The following CXorf65 variants were observed in gnomAD, a reference collection of about 807,000 sequenced individuals.
CXorf65 encodes the protein uncharacterized protein CXorf65.
For missense variants in CXorf65, 137 were observed against 144.7 expected (o/e 0.95, Z 0.27); for synonymous variants, 54 against 51.4 (o/e 1.05, Z -0.21).
intron 3 of CXorf65, among the ~76,000 whole-genome samples, chrX:71,105,473 C>T (rs112293690): frequency 0.12 from 12,538 of 106,172 alleles, 1,138 homozygotes; most frequent in African/African-American, 0.26. Flanking sequence ...ACAGGAGAAT[C>T]GCTTGAACCT....
At position 71,106,325 on chromosome X, in the gene CXorf65, C is replaced by T. The variant is rs1387190723; in HGVS notation, c.112+15G>A. 1.7e-6 allele frequency: 2 copies of T among 1,186,881 alleles called. No homozygotes were observed. The highest frequency in any genetic ancestry group is 1.1e-6 in the Non-Finnish European group (1 of 874,321). On this transcript the variant is annotated intron_variant, in intron 2 of 5. Transcript: ENST00000374251. ...TCTGACCTTTGGCCATTAGTCCCCT[C>T]CCTAAGCTCCTCACTTGTTTTAGGC... is the stretch of plus-strand genomic sequence containing the variant.
Position 71,106,583 on chromosome X carries a change from A to G in CXorf65, c.-27T>C, listed in dbSNP as rs754292551. ...CCCTCAAGATCGCCTCACTCTTCACAAAGTGCCCTGATGAGTCATGCAGAA... is the reference window on the plus strand; with the variant it reads ...CCCTCAAGATCGCCTCACTCTTCACGAAGTGCCCTGATGAGTCATGCAGAA... On this transcript the variant is annotated 5_prime_UTR_variant, in exon 1 of 6. Transcript: ENST00000374251. 5.8e-6 allele frequency: 7 copies of G among 1,210,473 alleles called. No homozygotes were observed. Among genetic ancestry groups the G allele is most frequent in the Non-Finnish European group, 7.8e-6 (7 of 895,309 alleles).
At chrX:71,105,155 G>C (rs1023080038) in intron 3 of CXorf65, among the ~76,000 whole-genome samples, 1 of 111,831 alleles carries the variant, frequency 8.9e-6, no homozygotes, top group African/African-American at 3.3e-5. Context: ...TGAGGCAGGA[G>C]AATCACTTGA....
rs776625637 is a variant in CXorf65 at position 71,106,087 on chromosome X, T to A, written c.163A>T (p.Met55Leu). 1 of 1,210,811 alleles carries A rather than the reference T, an allele frequency of 8.3e-7. No individual in the cohort carries two copies. Among genetic ancestry groups the A allele is most frequent in the East Asian group, 3.0e-5 (1 of 33,848 alleles). ...GCATACTCTGCATGATTGGGCTTCA[T>A]CAGGAAAAGCATCTTCATTTTCCCC... ...QTGKMKMLFL[M>L]KPNHAEYASK... The change falls in exon 3 of 6, where the codon ATG (methionine) becomes TTG (leucine). Residue 55 changes from methionine (M) to leucine (L), a missense_variant. Coordinates refer to ENST00000374251, the MANE Select transcript of CXorf65 (RefSeq NM_001025265.3).
chrX:71,104,043 C>G lies in CXorf65; in HGVS notation c.496G>C (p.Asp166His), dbSNP rs2092239279. 1.7e-6 allele frequency: 2 copies of G among 1,209,241 alleles called. No individual in the cohort carries two copies. The highest frequency in any genetic ancestry group is 2.2e-6 in the Non-Finnish European group (2 of 893,688). ...TGGCGACCTTTATTCTTCCTGAAGT[C>G]TGGTCTGTTCCTAAAGGTCGGAGAC... ...RKSPTFRNRP[D>H]FRKNKGRQLN... Residue 166 changes from aspartate to histidine, a missense_variant, in exon 6 of 6, where the codon GAC becomes CAC. Asp to His is a moderately conservative substitution (Grantham distance 81). Transcript: ENST00000374251.
At chrX:71,106,239 A>T in intron 2 of CXorf65, 101 bp downstream of exon 2, 3 of 1,098,598 alleles carry the variant, frequency 2.7e-6, no homozygotes, top group Non-Finnish European at 3.8e-6. Flanking sequence ...AGCTCTAAGG[A>T]TATGAGGAAC....
chrX:71,105,375 G>T (rs1206176110), intron 3 of CXorf65, among the ~76,000 whole-genome samples: 1 of 111,388 alleles, frequency 9.0e-6, no homozygotes, highest in Non-Finnish European at 1.9e-5. Flanking sequence ...AGACCAGCTT[G>T]GCCAACATGG....
At chrX:71,104,896 A>T in intron 3 of CXorf65, 59 bp from the exon 4 acceptor site, 1 of 1,065,536 alleles carries the variant, frequency 9.4e-7, no homozygotes. Flanking sequence ...ACCCTTCAGA[A>T]GTCCAAGATT....
Position 71,106,003 on chromosome X carries a change from G to T in CXorf65, c.247C>A (p.Pro83Thr). The T allele has an allele frequency of 2.5e-6, 3 of 1,210,526 alleles. No homozygotes were observed. The highest frequency in any genetic ancestry group is 3.5e-5 in the South Asian group (2 of 56,899). ...YYVCKVERGP[P>T]GTRLENAYRA... is the part of the protein sequence containing the mutation. ...GGGAACACTCCTGAGCCTCTACCTG[G>T]TGGCCCACGTTCCACCTTACAAACG... The change falls in exon 3 of 6, where the codon CCA (proline) becomes ACA (threonine). Residue 83 changes from proline to threonine, a missense_variant. Physicochemically the swap from Pro to Thr is conservative, Grantham distance 38. Transcript: ENST00000374251.
At chrX:71,106,269 G>A (rs1042995252) in intron 2 of CXorf65, 71 bp downstream of exon 2, 57 of 1,090,727 alleles carry the variant, frequency 5.2e-5, no homozygotes, top group Non-Finnish European at 7.1e-5. Context: ...GCCAGGAGGA[G>A]GGCTTGGGGG....
Position 71,106,675 on chromosome X carries a change from A to T in CXorf65, c.-119T>A, listed in dbSNP as rs915415636. 20 of 1,185,170 alleles carry T rather than the reference A, an allele frequency of 1.7e-5. 1 individual carries two copies. The East Asian group carries it at 6.0e-4, about 35-fold the overall frequency. On this transcript the variant is annotated 5_prime_UTR_variant, in exon 1 of 6. Transcript: ENST00000374251. ...TAGGGTTGGTGGACTAGAGAGGCAGATGGATTTCATAGGCTGAGGATGCCC... is the reference window on the plus strand; with the variant it reads ...TAGGGTTGGTGGACTAGAGAGGCAGTTGGATTTCATAGGCTGAGGATGCCC...
At chrX:71,105,960 G>A (rs2092247335) in intron 3 of CXorf65, 40 bp downstream of exon 3, 3 of 1,179,708 alleles carry the variant, frequency 2.5e-6, no homozygotes, top group Non-Finnish European at 3.4e-6. Context: ...CTATCTTGAA[G>A]GCCTTATTCT....
intron 3 of CXorf65, among the ~76,000 whole-genome samples, chrX:71,105,464 C>T (rs1243861721): frequency 1.9e-5 from 2 of 106,508 alleles, no homozygotes; most frequent in African/African-American, 6.9e-5. Flanking sequence ...GAGGCTAAGA[C>T]AGGAGAATCG....
intron 3 of CXorf65, among the ~76,000 whole-genome samples, 154 bp downstream of exon 3, chrX:71,105,846 C>A (rs2092246867): frequency 9.0e-6 from 1 of 111,100 alleles, no homozygotes; most frequent in Non-Finnish European, 1.9e-5. Context: ...AAACTCCTGC[C>A]CTCTATCGAT....
At position 71,106,041 on chromosome X, in the gene CXorf65, C is replaced by G; in HGVS notation, c.209G>C (p.Arg70Pro). The G allele has an allele frequency of 8.3e-7, 1 of 1,211,150 alleles. No homozygotes were observed. Among genetic ancestry groups the G allele is most frequent in the Non-Finnish European group, 1.1e-6 (1 of 895,091 alleles). ...CACCTTACAAACGTAGTAGGTGCTTCGAGCTGTAAGGTATTTGCTGGCATA... is the reference window on the plus strand; with the variant it reads ...CACCTTACAAACGTAGTAGGTGCTTGGAGCTGTAAGGTATTTGCTGGCATA... ...AEYASKYLTARSTYYVCKVER... is the reference protein window; with the variant it reads ...AEYASKYLTAPSTYYVCKVER... The change falls in exon 3 of 6, where the codon CGA becomes CCA. Residue 70 changes from arginine to proline, a missense_variant. Coordinates refer to ENST00000374251, the MANE Select transcript of CXorf65 (RefSeq NM_001025265.3).
chrX:71,105,570 A>C (rs1319846001), intron 3 of CXorf65, among the ~76,000 whole-genome samples: 5 of 46,778 alleles, frequency 1.1e-4, no homozygotes, highest in African/African-American at 4.0e-4. Context: ...TCTGTCCCAA[A>C]AAAAAAAAAA....
In CXorf65 at chrX:71,106,668, G is replaced by T; in HGVS notation, c.-112C>A. 1 of 1,188,259 alleles carries T rather than the reference G, an allele frequency of 8.4e-7. No homozygotes were observed. On this transcript the variant is annotated 5_prime_UTR_variant, in exon 1 of 6. Coordinates refer to ENST00000374251, the MANE Select transcript of CXorf65 (RefSeq NM_001025265.3). ...AGGCCTATAGGGTTGGTGGACTAGA[G>T]AGGCAGATGGATTTCATAGGCTGAG...
In CXorf65 at chrX:71,106,149, T is replaced by C. The variant is rs749760816; in HGVS notation, c.113-12A>G. ...CAAATCGATGGTGTCTGGAGGGAGA[T>C]CACAGGGTAATTGGGGCAGCTAAGG... On this transcript the variant is annotated splice_polypyrimidine_tract_variant and intron_variant, in intron 2 of 5. Transcript: ENST00000374251. 1.7e-6 allele frequency: 2 copies of C among 1,208,530 alleles called. No individual in the cohort carries two copies. The highest frequency in any genetic ancestry group is 2.2e-5 in the Admixed American group (1 of 45,840).
chrX:71,103,955 C>T lies in CXorf65; in HGVS notation c.*32G>A. ...GGAGTCTTTCTAGAAAAAGAAATCT[C>T]ACGTTAAATTCCAGTAATTTCACAC... On this transcript the variant is annotated 3_prime_UTR_variant, in exon 6 of 6. Transcript: ENST00000374251. The T allele has an allele frequency of 5.0e-6, 6 of 1,197,590 alleles. No individual in the cohort carries two copies. Among genetic ancestry groups the T allele is most frequent in the Non-Finnish European group, 6.8e-6 (6 of 883,980 alleles).
Sources: allele counts gnomAD v4.1 joint callset (sites outside exome capture counted in the v4.1 genomes callset), GRCh38; gene constraint gnomAD v4.1.1; transcripts MANE v1.5; gene names NCBI Gene and HGNC (gene_info 2026-07-23, HGNC 2026-07-21).